NUP133: variants seen among roughly 807,000 people sequenced by gnomAD.
NUP133 encodes nucleoporin 133.
Under a neutral mutation model 146.2 loss-of-function variants are expected in NUP133, and 66 were observed. That is an observed-to-expected ratio of 0.45 (90% CI 0.37 to 0.55). The LOEUF (loss-of-function observed/expected upper bound fraction) is 0.55. Ranked by LOEUF, NUP133 falls within the 20% of genes least tolerant of loss-of-function variation. The pLI is 0.00. For synonymous variants in NUP133, 521 were observed against 498.8 expected, an observed-to-expected ratio of 1.04 and a Z score of -0.59; for missense variants, 1,277 against 1,374.8, an observed-to-expected ratio of 0.93 and a Z score of 1.12.
chr1:229,471,691 A>AG (rs1188840850), intron 14 of NUP133, among the ~76,000 whole-genome samples: 2 of 152,234 alleles, frequency 1.3e-5, no homozygotes, highest in Non-Finnish European at 2.9e-5. Flanking sequence ...ACAGGCATAA[A>AG]TAATGAATAC....
intron 14 of NUP133, among the ~76,000 whole-genome samples, chr1:229,472,707 C>CAT (rs372362492): frequency 0.03 from 3,689 of 124,100 alleles, 215 homozygotes; most frequent in East Asian, 0.11. Flanking sequence ...ACTAAATATA[C>CAT]ATATATATAT....
chr1:229,477,550 C>A, intron 13 of NUP133, 47 bp downstream of exon 13: 3 of 1,458,190 alleles, frequency 2.1e-6, no homozygotes, highest in South Asian at 3.0e-5. Flanking sequence ...AATAAAGAAA[C>A]CAGAATATGT....
At chr1:229,491,065 C>A (rs1321321123) in intron 8 of NUP133, among the ~76,000 whole-genome samples, 1 of 152,002 alleles carries the variant, frequency 6.6e-6, no homozygotes, top group East Asian at 1.9e-4. Flanking sequence ...TCAAAACAAC[C>A]ATCTGATCCA....
At chr1:229,502,410 T>G (rs1297653207) in intron 2 of NUP133, among the ~76,000 whole-genome samples, 1 of 151,418 alleles carries the variant, frequency 6.6e-6, no homozygotes, top group Non-Finnish European at 1.5e-5. Context: ...CTACAAAAAA[T>G]TAGCTGAGTG....
chr1:229,469,319 G>A (rs561428191), intron 15 of NUP133, among the ~76,000 whole-genome samples: 4 of 152,334 alleles, frequency 2.6e-5, no homozygotes, highest in East Asian at 3.9e-4. Flanking sequence ...ACAAAAGCAC[G>A]AGGACTGCGT....
chr1:229,455,294 C>G (rs1329857292), intron 21 of NUP133, among the ~76,000 whole-genome samples: 7 of 152,186 alleles, frequency 4.6e-5, no homozygotes, highest in Admixed American at 2.6e-4. Flanking sequence ...TGTGGTGGCT[C>G]ATGTCTATAA....
At chr1:229,445,718 A>G (rs150023110) in intron 24 of NUP133, among the ~76,000 whole-genome samples, 383 of 152,332 alleles carry the variant, frequency 2.5e-3, no homozygotes, top group African/African-American at 8.9e-3. Flanking sequence ...AAATTTTTAA[A>G]CAAGAAACTA....
intron 8 of NUP133, among the ~76,000 whole-genome samples, chr1:229,490,683 C>T (rs1270716100): frequency 3.3e-5 from 5 of 152,098 alleles, no homozygotes; most frequent in Non-Finnish European, 7.3e-5. Context: ...AGAATTAGGG[C>T]CAGGTGCGGT....
rs138400798 is a variant in NUP133, at chr1:229,499,765, G to A, written c.567C>T (p.Ser189=). 2.5e-6 allele frequency: 4 copies of A among 1,614,044 alleles called. No individual in the cohort carries two copies. Among genetic ancestry groups the A allele is most frequent in the East Asian group, 2.2e-5 (1 of 44,884 alleles). ...TREGSIRYWP[S]LAGEDTYTEA... ...CTGTGTAGGTATCTTCACCAGCAAG[G>A]CTTGGCCAATAGCGGATAGATCCTT... Residue 189 remains serine (S), a synonymous_variant, in exon 5 of 26, where the codon AGC becomes AGT. Transcript: ENST00000261396.
At chr1:229,483,636 C>T (rs569975) in intron 12 of NUP133, among the ~76,000 whole-genome samples, 2 of 130,114 alleles carry the variant, frequency 1.5e-5, no homozygotes, top group African/African-American at 5.8e-5. Flanking sequence ...ACCCGGGAGG[C>T]GGAGTTTGCA....
At position 229,451,630 on chromosome 1, in the gene NUP133, A is replaced by G. The variant is rs550576168; in HGVS notation, c.3099+895T>C. ...CCCATCTTCCTTTCCCAAAAACTAT[A>G]ATTTCATTTTTTAAAAATTGTATGT... On this transcript the variant is annotated intron_variant, in intron 22 of 25. Coordinates refer to ENST00000261396, the MANE Select transcript of NUP133 (RefSeq NM_018230.3). 7.2e-5 allele frequency among the ~76,000 whole-genome samples: 11 copies of G among 152,262 alleles called. No individual in the cohort carries two copies. In the South Asian group the frequency reaches 1.2e-3, roughly 17 times the overall value.
intron 21 of NUP133, among the ~76,000 whole-genome samples, chr1:229,456,622 A>G (rs1660563796): frequency 6.6e-6 from 1 of 152,024 alleles, no homozygotes; most frequent in Non-Finnish European, 1.5e-5. Flanking sequence ...TTACTGGAAA[A>G]CGGTAGTCAG....
In NUP133 at chr1:229,445,441, C is replaced by T. The variant is rs530647225; in HGVS notation, c.3246-439G>A. 6.6e-5 allele frequency among the ~76,000 whole-genome samples: 10 copies of T among 152,272 alleles called. No individual in the cohort carries two copies. In the South Asian group the frequency reaches 1.5e-3, roughly 22 times the overall value. On this transcript the variant is annotated intron_variant, in intron 24 of 25. Transcript: ENST00000261396. ...AAGTGTTCCTCCCACCTCAGCCTCC[C>T]GAGTAGCTAGGACCATAGGCATGCA...
chr1:229,445,045 T>C (rs570436337), intron 24 of NUP133, 43 bp from the exon 25 acceptor site: 6 of 1,295,412 alleles, frequency 4.6e-6, no homozygotes, highest in Non-Finnish European at 6.7e-6. Context: ...AAATCACTGA[T>C]ATAGCTGAAT....
At chr1:229,450,072 T>A (rs964764199) in intron 23 of NUP133, among the ~76,000 whole-genome samples, 2 of 150,546 alleles carry the variant, frequency 1.3e-5, no homozygotes, top group African/African-American at 4.9e-5. Flanking sequence ...TTTTTTGTAT[T>A]TTTAGTAGAG....
chr1:229,508,019 C>A (rs771553857), intron 1 of NUP133, 49 bp downstream of exon 1: 2 of 1,410,582 alleles, frequency 1.4e-6, no homozygotes, highest in Non-Finnish European at 1.9e-6. Flanking sequence ...CGGCCCACTG[C>A]GGCCCGTGAG....
At chr1:229,467,700 G>C (rs1264955368) in intron 15 of NUP133, among the ~76,000 whole-genome samples, 1 of 152,110 alleles carries the variant, frequency 6.6e-6, no homozygotes, top group Non-Finnish European at 1.5e-5. Context: ...TTGGAGGTGG[G>C]TGGATCACAA....
intron 21 of NUP133, among the ~76,000 whole-genome samples, chr1:229,456,699 A>G (rs907175305): frequency 2.6e-5 from 4 of 151,558 alleles, no homozygotes; most frequent in Admixed American, 6.6e-5. Context: ...AGAAATACGT[A>G]TGTGTGTGTG....
At chr1:229,456,714 T>C (rs940860298) in intron 21 of NUP133, among the ~76,000 whole-genome samples, 9 of 151,338 alleles carry the variant, frequency 5.9e-5, no homozygotes, top group African/African-American at 1.2e-4. Context: ...TGTGTGTGTA[T>C]AGATAAAATG....
Sources: gnomAD v4.1 joint callset for allele counts (sites outside exome capture counted in the v4.1 genomes callset) on GRCh38, gnomAD v4.1.1 for gene constraint, MANE v1.5 for transcripts, NCBI Gene and HGNC (gene_info 2026-07-23, HGNC 2026-07-21) for gene names.